The following SHQ1 variants were observed in gnomAD, a reference collection of about 807,000 sequenced individuals.
SHQ1 encodes the protein protein SHQ1 homolog.
A neutral mutation model predicts 53.8 loss-of-function variants in SHQ1; 49 were observed. The observed-to-expected ratio is 0.91, with a 90% CI of 0.72 to 1.16. The LOEUF (loss-of-function observed/expected upper bound fraction) is 1.16. Ranked by LOEUF, SHQ1 falls within the 50% of genes most tolerant of loss-of-function variation. The pLI is 0.00. For missense variants in SHQ1, 738 were observed against 683.1 expected, an observed-to-expected ratio of 1.08 and a Z score of -0.90; for synonymous variants, 243 against 251.0, an observed-to-expected ratio of 0.97 and a Z score of 0.30.
chr3:72,749,549 A>G lies in SHQ1; in HGVS notation c.*735T>C, dbSNP rs902617323. 2.7e-5 allele frequency: 6 copies of G among 220,786 alleles called. No individual in the cohort carries two copies. The highest frequency in any genetic ancestry group is 9.1e-6 in the Non-Finnish European group (1 of 110,284). 13.7% of individuals were successfully genotyped at this position (220,786 alleles called of 1,614,324 possible). A position where few individuals can be genotyped will look rare whatever the true frequency, so the allele number is the denominator to read the frequency against. On this transcript the variant is annotated 3_prime_UTR_variant, in exon 11 of 11. Coordinates refer to ENST00000325599, the MANE Select transcript of SHQ1 (RefSeq NM_018130.3). Reference sequence around the variant, plus strand: ...GACATGCAAACTAATAACAGGGCACAAGGGCACTTGGGAATGATGGGTCCG... The same window carrying G: ...GACATGCAAACTAATAACAGGGCACGAGGGCACTTGGGAATGATGGGTCCG...
At chr3:72,748,902 C>T (rs1296887968), downstream of SHQ1, among the ~76,000 whole-genome samples, 3 of 151,672 alleles carry the variant, frequency 2.0e-5, no homozygotes, top group Non-Finnish European at 2.9e-5. Flanking sequence ...CTGCAGCAAG[C>T]GGAGATTGCA....
At chr3:72,845,247 G>T (rs1166309772) in intron 1 of SHQ1, among the ~76,000 whole-genome samples, 2 of 152,134 alleles carry the variant, frequency 1.3e-5, no homozygotes, top group Non-Finnish European at 2.9e-5. Flanking sequence ...ACTTTGGGAG[G>T]CCGAGGTGGG....
chr3:72,844,785 A>G (rs541146537), intron 1 of SHQ1, among the ~76,000 whole-genome samples: 1 of 152,354 alleles, frequency 6.6e-6, no homozygotes, highest in East Asian at 1.9e-4. Context: ...ATGACACCAC[A>G]AAGTGGAAAA....
chr3:72,806,450 A>T (rs1706949398), intron 9 of SHQ1, among the ~76,000 whole-genome samples: 1 of 152,216 alleles, frequency 6.6e-6, no homozygotes, highest in South Asian at 2.1e-4. Flanking sequence ...AAGCCAGAAA[A>T]AAAAAGTTCA....
rs2106963603 is a variant in SHQ1, at chr3:72,842,400, T to C, written c.211A>G (p.Ile71Val). The C allele has an allele frequency of 6.2e-7, 1 of 1,612,666 alleles. No individual in the cohort carries two copies. Among genetic ancestry groups the C allele is most frequent in the East Asian group, 2.2e-5 (1 of 44,832 alleles). ...TCTTTGGGCAGGCGAATGGTAAAAA[T>C]TCCTTAAAGATAAATTTGTTTTATG... ...EQGSYDADKG[I>V]FTIRLPKETP... Residue 71 changes from isoleucine to valine, a missense_variant and splice_region_variant, in exon 3 of 11, where the codon ATT becomes GTT. By Grantham distance (29) the Ile-to-Val change is conservative (BLOSUM62 3). Coordinates refer to ENST00000325599, the MANE Select transcript of SHQ1 (RefSeq NM_018130.3).
chr3:72,738,354 T>C, the SHQ1 span, among the ~76,000 whole-genome samples: 1 of 152,314 alleles, frequency 6.6e-6, no homozygotes, highest in African/African-American at 2.4e-5. Context: ...AGGGCTGTTA[T>C]TGGCATTTGG....
intron 10 of SHQ1, among the ~76,000 whole-genome samples, chr3:72,789,824 T>A (rs1210426095): frequency 6.6e-6 from 1 of 152,082 alleles, no homozygotes; most frequent in African/African-American, 2.4e-5. Context: ...GGAACATCCA[T>A]GAGAAAGACA....
chr3:72,778,436 C>A (rs1040180401), intron 10 of SHQ1, among the ~76,000 whole-genome samples: 1 of 150,748 alleles, frequency 6.6e-6, no homozygotes, highest in African/African-American at 2.5e-5. Flanking sequence ...GTGACAGAAA[C>A]CCTGTCTCTT....
intron 10 of SHQ1, among the ~76,000 whole-genome samples, chr3:72,786,777 T>C (rs1040297072): frequency 6.6e-6 from 1 of 152,144 alleles, no homozygotes; most frequent in Non-Finnish European, 1.5e-5. Flanking sequence ...TCTCACCACC[T>C]GGCACATAAT....
intron 4 of SHQ1, among the ~76,000 whole-genome samples, chr3:72,833,040 C>T (rs1559695936): frequency 1.3e-5 from 2 of 152,182 alleles, no homozygotes; most frequent in Non-Finnish European, 2.9e-5. Flanking sequence ...CAGCCCTATT[C>T]CAATAATCCC....
chr3:72,844,887 A>G (rs909242295), intron 1 of SHQ1, among the ~76,000 whole-genome samples: 3 of 152,190 alleles, frequency 2.0e-5, no homozygotes, highest in African/African-American at 7.2e-5. Context: ...ACATAAAACT[A>G]TCTTCTGGCT....
Position 72,761,630 on chromosome 3 carries a change from ACT to A in SHQ1, c.1182-10796_1182-10795del, listed in dbSNP as rs371837815. Among the ~76,000 whole-genome samples, 372 of 152,258 alleles carry A rather than the reference ACT, an allele frequency of 2.4e-3. 2 individuals carry two copies. Among genetic ancestry groups the A allele is most frequent in the African/African-American group, 8.7e-3 (361 of 41,536 alleles). On this transcript the variant is annotated intron_variant, in intron 10 of 10. Transcript: ENST00000325599. ...AAAGGCTTGCACTTCCTGTGCAGTA[ACT>A]CTGTGCAGGCTTTCTAAGTATTTCA...
At chr3:72,784,084 T>C (rs1406939916) in intron 10 of SHQ1, among the ~76,000 whole-genome samples, 2 of 151,246 alleles carry the variant, frequency 1.3e-5, no homozygotes, top group African/African-American at 4.9e-5. Context: ...CTCTGTACTA[T>C]CTCTGCAATT....
the SHQ1 span, among the ~76,000 whole-genome samples, chr3:72,727,348 C>T: frequency 6.6e-6 from 1 of 152,196 alleles, no homozygotes; most frequent in Non-Finnish European, 1.5e-5. Flanking sequence ...CAACCTCGTG[C>T]AGTTCCAAGG....
intron 8 of SHQ1, among the ~76,000 whole-genome samples, chr3:72,813,691 G>A (rs1278912259): frequency 6.7e-6 from 1 of 149,556 alleles, no homozygotes; most frequent in African/African-American, 2.5e-5. Flanking sequence ...AACCCAGGAG[G>A]CGGAGCTTGC....
intron 5 of SHQ1, among the ~76,000 whole-genome samples, chr3:72,828,218 G>A (rs1707720540): frequency 6.6e-6 from 1 of 152,154 alleles, no homozygotes; most frequent in South Asian, 2.1e-4. Context: ...AAACAATGCG[G>A]TAAAAAACAA....
At chr3:72,757,605 A>C (rs1231174955) in intron 10 of SHQ1, among the ~76,000 whole-genome samples, 1 of 152,204 alleles carries the variant, frequency 6.6e-6, no homozygotes, top group Non-Finnish European at 1.5e-5. Flanking sequence ...CTGGATAAAG[A>C]AAATGTGGTA....
intron 5 of SHQ1, among the ~76,000 whole-genome samples, chr3:72,831,128 T>C (rs932561731): frequency 2.6e-5 from 4 of 152,236 alleles, no homozygotes; most frequent in African/African-American, 9.6e-5. Context: ...TAAAGGTAAT[T>C]AGAAATAGCA....
intron 10 of SHQ1, among the ~76,000 whole-genome samples, chr3:72,779,239 A>G (rs1706023141): frequency 6.6e-6 from 1 of 152,020 alleles, no homozygotes; most frequent in Non-Finnish European, 1.5e-5. Context: ...CCTTCTTGCA[A>G]TTTCTTGAAA....
Sources: allele counts gnomAD v4.1 joint callset (sites outside exome capture counted in the v4.1 genomes callset), GRCh38; gene constraint gnomAD v4.1.1; transcripts MANE v1.5; gene names NCBI Gene and HGNC (gene_info 2026-07-23, HGNC 2026-07-21).